Variants in SLIT3 observed in about 807,000 individuals in gnomAD.
SLIT3 encodes slit guidance ligand 3.
In SLIT3, 68 loss-of-function variants were observed where a neutral mutation model predicts 184.0. The observed-to-expected ratio is 0.37, with a 90% confidence interval of 0.30 to 0.45. The LOEUF is 0.45. Among genes scored for constraint, SLIT3 ranks in the 20% least tolerant of loss-of-function variants. The pLI, the probability that SLIT3 is intolerant of heterozygous loss-of-function variation, is 1.00. For synonymous variants in SLIT3, 831 were observed against 828.6 expected (o/e 1.00, Z -0.05); for missense variants, 1,707 against 2,026.0 (o/e 0.84, Z 3.02).
chr5:168,798,761 C>A (rs1756665604), intron 9 of SLIT3, among the ~76,000 whole-genome samples: 1 of 152,138 alleles, frequency 6.6e-6, no homozygotes. Context: ...CCACCAAGAG[C>A]TATGATGGAT....
At chr5:169,104,891 T>G (rs1760147315) in intron 4 of SLIT3, among the ~76,000 whole-genome samples, 1 of 152,200 alleles carries the variant, frequency 6.6e-6, no homozygotes, top group Non-Finnish European at 1.5e-5. Context: ...GGGTCTGCCC[T>G]TCCAATTGTT....
chr5:169,276,191 G>C (rs1766799916), intron 1 of SLIT3, among the ~76,000 whole-genome samples: 1 of 152,178 alleles, frequency 6.6e-6, no homozygotes, highest in Non-Finnish European at 1.5e-5. Flanking sequence ...AACACAGTGA[G>C]ATGACTCCCT....
At chr5:168,934,074 A>G (rs1319865889) in intron 4 of SLIT3, among the ~76,000 whole-genome samples, 1 of 152,176 alleles carries the variant, frequency 6.6e-6, no homozygotes, top group East Asian at 1.9e-4. Context: ...ACAAACTGCC[A>G]TGTTCCTTAG....
At chr5:168,777,466 T>C (rs751914027) in intron 12 of SLIT3, among the ~76,000 whole-genome samples, 3 of 152,204 alleles carry the variant, frequency 2.0e-5, no homozygotes, top group Non-Finnish European at 2.9e-5. Flanking sequence ...ACGCTGGCAA[T>C]CCTTCTCACT....
chr5:168,733,728 T>C (rs1432401925), intron 20 of SLIT3, among the ~76,000 whole-genome samples: 1 of 151,202 alleles, frequency 6.6e-6, no homozygotes, highest in Non-Finnish European at 1.5e-5. Flanking sequence ...CAAACCACCA[T>C]GGCACATGTA....
At chr5:168,671,604 C>T (rs1027968147) in intron 33 of SLIT3, 121 bp from the exon 34 acceptor site, 29 of 1,172,278 alleles carry the variant, frequency 2.5e-5, no homozygotes, top group East Asian at 1.0e-4. Flanking sequence ...GCTGTTCAAA[C>T]GAGGTTAACG....
intron 4 of SLIT3, among the ~76,000 whole-genome samples, chr5:169,125,703 T>A (rs1228442729): frequency 6.6e-6 from 1 of 152,122 alleles, no homozygotes; most frequent in Admixed American, 6.5e-5. Flanking sequence ...CATCCCCTCC[T>A]ACCACATTTT....
rs115846478 is a variant in SLIT3 at position 169,186,837 on chromosome 5, G to T, written c.413+6642C>A. On this transcript the variant is annotated intron_variant, in intron 4 of 35. Coordinates refer to ENST00000519560, the MANE Select transcript of SLIT3 (RefSeq NM_003062.4). Reference sequence around the variant, plus strand: ...CTGGAAGCTGGAGTCTAGCAGCCTTGAACTTTTTGGTGGGGAATCTGCTCC... The same window carrying T: ...CTGGAAGCTGGAGTCTAGCAGCCTTTAACTTTTTGGTGGGGAATCTGCTCC... Among the ~76,000 whole-genome samples, 1,107 of 148,548 alleles carry T rather than the reference G, an allele frequency of 7.5e-3. 21 individuals are homozygous for T. The highest frequency in any genetic ancestry group is 0.026 in the African/African-American group (1,053 of 40,002).
At chr5:168,820,525 C>A (rs1165364334) in intron 7 of SLIT3, among the ~76,000 whole-genome samples, 3 of 152,182 alleles carry the variant, frequency 2.0e-5, no homozygotes, top group Non-Finnish European at 4.4e-5. Context: ...ACGCAGCAAA[C>A]CACTGAAGAA....
Position 168,963,322 on chromosome 5 carries a change from C to T in SLIT3, c.414-79986G>A, listed in dbSNP as rs142994466. Among the ~76,000 whole-genome samples the T allele has an allele frequency of 5.1e-3, 769 of 152,264 alleles. 7 individuals are homozygous for T. The highest frequency in any genetic ancestry group is 0.017 in the African/African-American group (698 of 41,542). On this transcript the variant is annotated intron_variant, in intron 4 of 35. Coordinates refer to ENST00000519560, the MANE Select transcript of SLIT3 (RefSeq NM_003062.4). ...GAGTAGCTGGGATTACAGGCATGCA[C>T]CATCACACCCAGCTGATTTTTGTAT... is the stretch of plus-strand genomic sequence containing the variant.
chr5:169,168,220 T>C (rs1762701431), intron 4 of SLIT3, among the ~76,000 whole-genome samples: 1 of 152,218 alleles, frequency 6.6e-6, no homozygotes, highest in Non-Finnish European at 1.5e-5. Context: ...GAAAACAGTT[T>C]CCAGAAAGTA....
chr5:168,818,243 A>G (rs1757404600), intron 7 of SLIT3, among the ~76,000 whole-genome samples: 1 of 152,192 alleles, frequency 6.6e-6, no homozygotes, highest in Non-Finnish European at 1.5e-5. Flanking sequence ...AACCAGTTCT[A>G]GGACGCTTTG....
intron 8 of SLIT3, among the ~76,000 whole-genome samples, chr5:168,807,226 T>A (rs530025538): frequency 4.9e-4 from 75 of 152,294 alleles, no homozygotes; most frequent in African/African-American, 1.4e-3. Context: ...AGAATCAGTG[T>A]GAATTTCAAG....
chr5:168,889,505 G>A (rs1332688679), intron 4 of SLIT3, among the ~76,000 whole-genome samples: 2 of 152,226 alleles, frequency 1.3e-5, no homozygotes, highest in East Asian at 1.9e-4. Context: ...TTTCATTGCA[G>A]TGAGAGTTTA....
intron 4 of SLIT3, among the ~76,000 whole-genome samples, chr5:168,945,321 T>C (rs1462386662): frequency 6.6e-6 from 1 of 151,646 alleles, no homozygotes; most frequent in Non-Finnish European, 1.5e-5. Context: ...CACTGCAACC[T>C]CCACCTCCCA....
chr5:168,792,134 C>T (rs1443520598), intron 10 of SLIT3: 2 of 152,330 alleles, frequency 1.3e-5, no homozygotes, highest in South Asian at 2.1e-4. Context: ...CTCAAGGCCC[C>T]CTCTGCTATT....
intron 8 of SLIT3, among the ~76,000 whole-genome samples, chr5:168,812,107 G>A (rs1297233403): frequency 6.6e-6 from 1 of 152,196 alleles, no homozygotes; most frequent in Non-Finnish European, 1.5e-5. Flanking sequence ...AGACACAGAA[G>A]ACAAAATACC....
chr5:168,738,575 A>G (rs1019095561), intron 20 of SLIT3, among the ~76,000 whole-genome samples: 14 of 152,218 alleles, frequency 9.2e-5, no homozygotes, highest in African/African-American at 2.9e-4. Flanking sequence ...TGGCAAACTC[A>G]TTATTCAGAC....
At chr5:169,025,233 G>A (rs2113503975) in intron 4 of SLIT3, among the ~76,000 whole-genome samples, 1 of 152,284 alleles carries the variant, frequency 6.6e-6, no homozygotes, top group African/African-American at 2.4e-5. Flanking sequence ...GAATTTTAAA[G>A]ACACTATTAT....
Sources: allele counts gnomAD v4.1 joint callset (sites outside exome capture counted in the v4.1 genomes callset), GRCh38; gene constraint gnomAD v4.1.1; transcripts MANE v1.5; gene names NCBI Gene and HGNC (gene_info 2026-07-23, HGNC 2026-07-21).